The following HSPD1 variants were observed in gnomAD, a reference collection of about 807,000 sequenced individuals.
The protein encoded by HSPD1 is heat shock protein family D (Hsp60) member 1, also known as 60 kDa heat shock protein, mitochondrial.
In HSPD1, 3 loss-of-function variants were observed where a neutral mutation model predicts 53.0. The observed-to-expected ratio is 0.06, with a 90% CI of 0.03 to 0.15. The LOEUF is 0.15. Among genes scored for constraint, HSPD1 ranks in the 10% least tolerant of loss-of-function variants. HSPD1 has a pLI of 1.00. For missense variants in HSPD1, 431 were observed against 694.1 expected (o/e 0.62, Z 4.26); for synonymous variants, 200 against 228.0 (o/e 0.88, Z 1.10).
At chr2:197,496,153 G>A (rs1231240933) in intron 3 of HSPD1, among the ~76,000 whole-genome samples, 2 of 152,106 alleles carry the variant, frequency 1.3e-5, no homozygotes, top group Admixed American at 6.6e-5. Flanking sequence ...AATTTAGTAC[G>A]TATTATGAAC....
In HSPD1 at chr2:197,498,698, C is replaced by A. The variant is rs998941208; in HGVS notation, c.151G>T (p.Val51Leu). ...LQGVDLLADA[V>L]AVTMGPKGRT... ...ACCTTTGGCCCCATTGTAACGGCCACAGCATCGGCTAAAAGGTCTACACCT... is the reference window on the plus strand; with the variant it reads ...ACCTTTGGCCCCATTGTAACGGCCAAAGCATCGGCTAAAAGGTCTACACCT... The change falls in exon 2 of 12, where the codon GTG becomes TTG. Residue 51 changes from valine (V) to leucine (L), a missense_variant. Physicochemically the swap from Val to Leu is conservative, Grantham distance 32. This residue lies in a region of HSPD1 where 386 missense variants were observed against 657.6 expected (regional missense o/e 0.59). Coordinates refer to ENST00000388968, the MANE Select transcript of HSPD1 (RefSeq NM_002156.5). 1.2e-6 allele frequency: 2 copies of A among 1,613,996 alleles called. No homozygotes were observed. The highest frequency in any genetic ancestry group is 1.7e-6 in the Non-Finnish European group (2 of 1,180,002).
chr2:197,488,881 A>AT, intron 9 of HSPD1, 121 bp downstream of exon 9: 1 of 1,134,838 alleles, frequency 8.8e-7, no homozygotes, highest in Non-Finnish European at 1.3e-6. Flanking sequence ...ACAAAATTCC[A>AT]CTATGAAGTT....
At chr2:197,497,108 T>C (rs2086168159) in intron 3 of HSPD1, 32 bp downstream of exon 3, 2 of 1,609,840 alleles carry the variant, frequency 1.2e-6, no homozygotes, top group African/African-American at 1.3e-5. Flanking sequence ...CACTGAAGTT[T>C]AGAACACTGT....
At chr2:197,492,009 C>T (rs2106074212) in intron 7 of HSPD1, among the ~76,000 whole-genome samples, 1 of 152,272 alleles carries the variant, frequency 6.6e-6, no homozygotes, top group East Asian at 1.9e-4. Context: ...ATTAAAAGAT[C>T]AGCCAAGTGT....
upstream of HSPD1, chr2:197,500,048 A>C: frequency 4.4e-6 from 1 of 228,524 alleles, no homozygotes; most frequent in Non-Finnish European, 8.8e-6. Context: ...GGCTTAGTCT[A>C]GTTCCCGGGC....
intron 7 of HSPD1, among the ~76,000 whole-genome samples, chr2:197,492,585 A>G (rs758593063): frequency 1.3e-5 from 2 of 152,240 alleles, no homozygotes; most frequent in Non-Finnish European, 2.9e-5. Context: ...CCTTAAAAAA[A>G]CAAAACAAAA....
In HSPD1 at chr2:197,495,114, C is replaced by G; in HGVS notation, c.510+180G>C. On this transcript the variant is annotated intron_variant, in intron 4 of 11. Transcript: ENST00000388968. ...ACTAAAATGACAACCACATGTAGAA[C>G]TAAATGACAACCATTATGGTCATAA... 4 of 627,686 alleles carry G rather than the reference C, an allele frequency of 6.4e-6. No individual in the cohort carries two copies. In the South Asian group the frequency reaches 7.9e-5, roughly 12 times the overall value. The allele number at this position is 627,686 out of a possible 1,614,324, so 38.9% of individuals were successfully genotyped here. A position where few individuals can be genotyped will look rare whatever the true frequency, so the allele number is the denominator to read the frequency against.
chr2:197,489,291 CT>C, intron 8 of HSPD1, 44 bp from the exon 9 acceptor site: 1 of 1,607,396 alleles, frequency 6.2e-7, no homozygotes, highest in Non-Finnish European at 8.5e-7. Context: ...GTTACAGTTT[CT>C]GCCATTATAC....
At position 197,493,492 on chromosome 2, in the gene HSPD1, C is replaced by G; in HGVS notation, c.701G>C (p.Gly234Ala). Residue 234 changes from glycine (G) to alanine (A), a missense_variant and splice_region_variant, in exon 7 of 12, where the codon GGT becomes GCT. This residue lies in a region of HSPD1 where 386 missense variants were observed against 657.6 expected (regional missense o/e 0.59). Transcript: ENST00000388968. ...GGCATCCTGGAATTCACATTTCTGA[C>G]CTGTAAAAATAATGAAGATTTCAAA... is the stretch of plus-strand genomic sequence containing the variant. Reference protein sequence around the residue: ...ISPYFINTSKGQKCEFQDAYV... With the variant: ...ISPYFINTSKAQKCEFQDAYV... The G allele has an allele frequency of 6.2e-7, 1 of 1,607,232 alleles. No individual in the cohort carries two copies. The highest frequency in any genetic ancestry group is 1.1e-5 in the South Asian group (1 of 90,944).
chr2:197,487,842 G>GTGTTCA lies in HSPD1; in HGVS notation c.1569+10_1569+15dup. 1 of 1,602,608 alleles carries GTGTTCA rather than the reference G, an allele frequency of 6.2e-7. No individual in the cohort carries two copies. Among genetic ancestry groups the GTGTTCA allele is most frequent in the Non-Finnish European group, 8.5e-7 (1 of 1,169,594 alleles). ...TGAACAACAAAAGAATTTTTAGAAAGTGTTCAACCATTTACCTTTGTTGGG... is the reference window on the plus strand; with the variant it reads ...TGAACAACAAAAGAATTTTTAGAAAGTGTTCATGTTCAACCATTTACCTTTGTTGGG... On this transcript the variant is annotated intron_variant, in intron 11 of 11. Coordinates refer to ENST00000388968, the MANE Select transcript of HSPD1 (RefSeq NM_002156.5).
chr2:197,494,639 A>G lies in HSPD1; in HGVS notation c.606+18T>C. 6.7e-7 allele frequency: 1 copy of G among 1,491,452 alleles called. No homozygotes were observed. The highest frequency in any genetic ancestry group is 9.4e-7 in the Non-Finnish European group (1 of 1,068,778). The allele number at this position is 1,491,452 out of a possible 1,614,324, so 92.4% of individuals were successfully genotyped here. A position where few individuals can be genotyped will look rare whatever the true frequency, so the allele number is the denominator to read the frequency against. On this transcript the variant is annotated intron_variant, in intron 5 of 11. Coordinates refer to ENST00000388968, the MANE Select transcript of HSPD1 (RefSeq NM_002156.5). Reference sequence around the variant, plus strand: ...TAAGATAACTCAAAATTATCTTTAAAAATACAAACACACTTGCCTTTACTG... The same window carrying G: ...TAAGATAACTCAAAATTATCTTTAAGAATACAAACACACTTGCCTTTACTG...
At chr2:197,489,281 G>C (rs1303440686) in intron 8 of HSPD1, 34 bp from the exon 9 acceptor site, 7 of 1,612,654 alleles carry the variant, frequency 4.3e-6, no homozygotes, top group Admixed American at 1.7e-5. Flanking sequence ...CCTGTTGTAG[G>C]TTACAGTTTC....
At chr2:197,491,480 C>CA (rs1244844333) in intron 7 of HSPD1, among the ~76,000 whole-genome samples, 1 of 151,952 alleles carries the variant, frequency 6.6e-6, no homozygotes, top group Non-Finnish European at 1.5e-5. Flanking sequence ...TTAATCCCTC[C>CA]AAAAAAGCAA....
At chr2:197,488,966 G>A in intron 9 of HSPD1, 36 bp downstream of exon 9, 1 of 1,612,164 alleles carries the variant, frequency 6.2e-7, no homozygotes, top group Non-Finnish European at 8.5e-7. Context: ...CTTGGACTCA[G>A]AACCCAAGAA....
intron 9 of HSPD1, among the ~76,000 whole-genome samples, 180 bp downstream of exon 9, chr2:197,488,822 C>T (rs545661522): frequency 6.6e-6 from 1 of 152,138 alleles, no homozygotes; most frequent in Non-Finnish European, 1.5e-5. Context: ...GCGCCGAGAT[C>T]GCACCACTGC....
intron 11 of HSPD1, 118 bp downstream of exon 11, chr2:197,487,740 T>C (rs2086044008): frequency 2.6e-6 from 2 of 776,798 alleles, no homozygotes; most frequent in Non-Finnish European, 4.5e-6. Context: ...CAAGAGCTAT[T>C]GCTGTTGCTA....
At chr2:197,488,603 T>C in intron 9 of HSPD1, 112 bp from the exon 10 acceptor site, 1 of 973,546 alleles carries the variant, frequency 1.0e-6, no homozygotes, top group Non-Finnish European at 1.7e-6. Context: ...GCGTGGTGGC[T>C]CACACCTGTA....
At chr2:197,488,246 G>T in intron 10 of HSPD1, 71 bp downstream of exon 10, 1 of 1,332,756 alleles carries the variant, frequency 7.5e-7, no homozygotes, top group Non-Finnish European at 1.1e-6. Flanking sequence ...TCCATTTAGG[G>T]GACTGCAACA....
Position 197,486,845 on chromosome 2 carries a change from T to C in HSPD1, c.*201A>G, listed in dbSNP as rs2889364. 3.5e-5 allele frequency: 20 copies of C among 575,810 alleles called. No individual in the cohort carries two copies. Among genetic ancestry groups the C allele is most frequent in the Admixed American group, 1.8e-4 (6 of 33,272 alleles). 35.7% of individuals were successfully genotyped at this position (575,810 alleles called of 1,614,324 possible). A position where few individuals can be genotyped will look rare whatever the true frequency, so the allele number is the denominator to read the frequency against. On this transcript the variant is annotated 3_prime_UTR_variant, in exon 12 of 12. Transcript: ENST00000388968. ...TTTTTATTCAAAAATACAAAATAAATTATCTGTAGGCATGGACAATGACAG... is the reference window on the plus strand; with the variant it reads ...TTTTTATTCAAAAATACAAAATAAACTATCTGTAGGCATGGACAATGACAG...
Sources: gnomAD v4.1 joint callset for allele counts (sites outside exome capture counted in the v4.1 genomes callset) on GRCh38, gnomAD v4.1.1 for gene constraint, gnomAD v4.1.1 regional missense constraint, MANE v1.5 for transcripts, NCBI Gene and HGNC (gene_info 2026-07-23, HGNC 2026-07-21) for gene names.